Variants in OCA2 observed in about 807,000 individuals in gnomAD.
The protein encoded by OCA2 is OCA2 melanosomal transmembrane protein.
In OCA2, 77 loss-of-function variants were observed where a neutral mutation model predicts 100.2. That is an observed-to-expected ratio of 0.77 (90% CI 0.64 to 0.93). OCA2 has a LOEUF of 0.93. OCA2 is among the 40% of genes least tolerant of loss of function. OCA2 has a pLI of 0.00. For synonymous variants in OCA2, 432 were observed against 439.2 expected (o/e 0.98, Z 0.21); for missense variants, 1,062 against 1,089.1 (o/e 0.98, Z 0.35).
At chr15:27,958,175 A>G (rs2040293793) in intron 15 of OCA2, among the ~76,000 whole-genome samples, 1 of 152,248 alleles carries the variant, frequency 6.6e-6, no homozygotes, top group Admixed American at 6.5e-5. Flanking sequence ...CGTTGTGCAC[A>G]TGTACCCTAG....
intron 4 of OCA2, 42 bp from the exon 5 acceptor site, chr15:28,024,944 T>A: frequency 6.3e-7 from 1 of 1,589,444 alleles, no homozygotes; most frequent in Non-Finnish European, 8.6e-7. Context: ...AGGGCAGCAG[T>A]CCTGTTGCCC....
intron 17 of OCA2, among the ~76,000 whole-genome samples, chr15:27,952,732 G>A (rs2040076741): frequency 6.6e-6 from 1 of 151,672 alleles, no homozygotes; most frequent in South Asian, 2.1e-4. Context: ...AGGCTGGAGT[G>A]CAGTGGCACA....
At chr15:27,974,068 T>C (rs1442328354) in intron 14 of OCA2, among the ~76,000 whole-genome samples, 2 of 152,208 alleles carry the variant, frequency 1.3e-5, no homozygotes, top group African/African-American at 2.4e-5. Flanking sequence ...ATTTATCAAA[T>C]CTAGGAGTCT....
chr15:28,026,150 G>A lies in OCA2; in HGVS notation c.516-1248C>T, dbSNP rs111656180. Among the ~76,000 whole-genome samples the A allele has an allele frequency of 4.1e-3, 632 of 152,294 alleles. 6 individuals are homozygous for A. Among genetic ancestry groups the A allele is most frequent in the African/African-American group, 0.015 (609 of 41,560 alleles). ...TTTTACAAGATTCTTCACTGATCACGCATGGTACTTTTTAGACATGTTATA... is the reference window on the plus strand; with the variant it reads ...TTTTACAAGATTCTTCACTGATCACACATGGTACTTTTTAGACATGTTATA... On this transcript the variant is annotated intron_variant, in intron 4 of 23. Transcript: ENST00000354638.
At chr15:27,782,256 A>C (rs2032582224) in intron 23 of OCA2, among the ~76,000 whole-genome samples, 1 of 152,232 alleles carries the variant, frequency 6.6e-6, no homozygotes, top group Non-Finnish European at 1.5e-5. Flanking sequence ...CCCCAGATAG[A>C]GCAACCTCAA....
intron 23 of OCA2, among the ~76,000 whole-genome samples, chr15:27,813,646 G>A (rs757860555): frequency 2.0e-5 from 3 of 152,088 alleles, no homozygotes; most frequent in Non-Finnish European, 2.9e-5. Flanking sequence ...AGTATCCATC[G>A]GATCACTCAG....
Position 27,951,812 on chromosome 15 carries a change from C to G in OCA2, c.1923G>C (p.Ser641=). The change falls in exon 18 of 24, where the codon TCG becomes TCC. Residue 641 remains serine (S), a synonymous_variant. Transcript: ENST00000354638. The stretch of plus-strand genomic sequence containing the variant: ...GATCAAGATGAATGCCAGGGACAAA[C>G]GAATTGAGGAAAAACATGAAGATAA... The part of the protein sequence containing the change: ...GFVIFMFFLN[S]FVPGIHLDLG... 6.2e-7 allele frequency: 1 copy of G among 1,613,392 alleles called. No individual in the cohort carries two copies. The highest frequency in any genetic ancestry group is 8.5e-7 in the Non-Finnish European group (1 of 1,179,388).
intron 2 of OCA2, among the ~76,000 whole-genome samples, chr15:28,073,755 C>T (rs549867874): frequency 2.5e-4 from 38 of 152,194 alleles, no homozygotes; most frequent in African/African-American, 7.5e-4. Context: ...CTAAAATAAA[C>T]GTTGAATTTT....
intron 23 of OCA2, among the ~76,000 whole-genome samples, chr15:27,826,928 C>T (rs958879058): frequency 6.6e-6 from 1 of 152,238 alleles, no homozygotes; most frequent in Admixed American, 6.5e-5. Flanking sequence ...CCCTTAACAT[C>T]CTACAGGAGA....
At chr15:27,889,791 CTGGTCCA>C (rs896905930) in intron 19 of OCA2, among the ~76,000 whole-genome samples, 1 of 152,230 alleles carries the variant, frequency 6.6e-6, no homozygotes, top group African/African-American at 2.4e-5. Flanking sequence ...CTGGCTCTAA[CTGGTCCA>C]TGGACAGGCT....
intron 23 of OCA2, among the ~76,000 whole-genome samples, chr15:27,761,429 A>G (rs1283715348): frequency 6.6e-6 from 1 of 151,618 alleles, no homozygotes; most frequent in Non-Finnish European, 1.5e-5. Context: ...GCACACCAGC[A>G]TCTGTGTGCT....
chr15:27,887,504 C>T (rs1452958560), intron 19 of OCA2, among the ~76,000 whole-genome samples: 5 of 151,422 alleles, frequency 3.3e-5, no homozygotes, highest in Non-Finnish European at 7.4e-5. Flanking sequence ...TGGACAGAAC[C>T]TGAGGAGGGA....
intron 18 of OCA2, among the ~76,000 whole-genome samples, chr15:27,943,668 A>AT (rs1457511981): frequency 6.9e-6 from 1 of 145,932 alleles, no homozygotes; most frequent in South Asian, 2.2e-4. Flanking sequence ...TTAAAGTATA[A>AT]TTTAAAAAAA....
intron 2 of OCA2, among the ~76,000 whole-genome samples, chr15:28,057,958 G>A (rs1038685007): frequency 3.3e-5 from 5 of 152,272 alleles, no homozygotes; most frequent in Middle Eastern, 3.4e-3. Flanking sequence ...CTCACACACC[G>A]GGAGGCAGCC....
chr15:28,021,481 A>C (rs2042591740), intron 6 of OCA2, among the ~76,000 whole-genome samples: 1 of 152,216 alleles, frequency 6.6e-6, no homozygotes, highest in Non-Finnish European at 1.5e-5. Context: ...CACACTTCAG[A>C]ATCAGGCGGG....
At chr15:27,824,138 C>T (rs1404110032) in intron 23 of OCA2, among the ~76,000 whole-genome samples, 1 of 152,152 alleles carries the variant, frequency 6.6e-6, no homozygotes, top group Non-Finnish European at 1.5e-5. Context: ...GAGGCTGAGG[C>T]CAGTGGATCA....
intron 21 of OCA2, among the ~76,000 whole-genome samples, chr15:27,856,923 T>G (rs1054676166): frequency 2.0e-5 from 3 of 152,204 alleles, no homozygotes; most frequent in Admixed American, 6.5e-5. Flanking sequence ...AGATCTCTAG[T>G]ATTACCACAA....
At chr15:28,089,972 A>G (rs961783426) in intron 1 of OCA2, among the ~76,000 whole-genome samples, 4 of 152,356 alleles carry the variant, frequency 2.6e-5, no homozygotes, top group African/African-American at 9.6e-5. Context: ...TTAAATAACA[A>G]TATAGGTAGG....
At chr15:27,931,398 A>G (rs1408080579) in intron 18 of OCA2, among the ~76,000 whole-genome samples, 3 of 151,988 alleles carry the variant, frequency 2.0e-5, no homozygotes, top group South Asian at 2.1e-4. Flanking sequence ...GCAGTGGCAC[A>G]ATCTTGGCTC....
Sources: allele counts gnomAD v4.1 joint callset (sites outside exome capture counted in the v4.1 genomes callset), GRCh38; gene constraint gnomAD v4.1.1; transcripts MANE v1.5; gene names NCBI Gene and HGNC (gene_info 2026-07-23, HGNC 2026-07-21).